Variants in CSGALNACT1 observed in about 807,000 individuals in gnomAD.
The protein encoded by CSGALNACT1 is beta4GalNAcT-1.
Under a neutral mutation model 51.0 loss-of-function variants are expected in CSGALNACT1, and 52 were observed. The ratio of observed to expected loss-of-function variants is 1.02; its 90% CI spans 0.82 to 1.29. The LOEUF is 1.29. CSGALNACT1 is among the 50% of genes most tolerant of loss of function. The pLI is 0.00. For missense variants in CSGALNACT1, 935 were observed against 679.2 expected (o/e 1.38, Z -4.19); for synonymous variants, 341 against 254.4 (o/e 1.34, Z -3.24).
At chr8:19,612,836 C>G (rs534322255) in intron 1 of CSGALNACT1, among the ~76,000 whole-genome samples, 4 of 150,620 alleles carry the variant, frequency 2.7e-5, no homozygotes, top group Non-Finnish European at 5.9e-5. Flanking sequence ...TTTTGTGACC[C>G]TTTGGGGAGA....
chr8:19,495,134 A>G (rs1011347740), intron 4 of CSGALNACT1: 2 of 152,212 alleles, frequency 1.3e-5, no homozygotes, highest in African/African-American at 4.8e-5. Flanking sequence ...AATGCGTCCT[A>G]GACCCTATCT....
At chr8:19,714,295 C>G (rs28489490) in intron 1 of CSGALNACT1, among the ~76,000 whole-genome samples, 55,100 of 151,718 alleles carry the variant, frequency 0.36, 10,779 homozygotes, top group East Asian at 0.65. Flanking sequence ...TTGTCTTTCT[C>G]TTTTGTTTAC....
At chr8:19,598,731 C>T (rs543874746) in intron 2 of CSGALNACT1, among the ~76,000 whole-genome samples, 4 of 152,296 alleles carry the variant, frequency 2.6e-5, no homozygotes, top group South Asian at 4.1e-4. Flanking sequence ...GAAAGTTCTG[C>T]GCCCTGCTCA....
In CSGALNACT1 at chr8:19,609,190, T is replaced by C. The variant is rs78875944; in HGVS notation, c.-543-7325A>G. On this transcript the variant is annotated intron_variant, in intron 1 of 9. Transcript: ENST00000332246. ...TGATGGAAGGATGCTTTTTTTTTTA[T>C]ATTGAGATTGAGGGAGGCAAGAAAA... Among the ~76,000 whole-genome samples the C allele has an allele frequency of 2.1e-4, 32 of 151,518 alleles. No homozygotes were observed. The East Asian group carries it at 6.0e-3, about 28-fold the overall frequency.
At chr8:19,592,281 C>T (rs2047982873) in intron 2 of CSGALNACT1, among the ~76,000 whole-genome samples, 2 of 152,172 alleles carry the variant, frequency 1.3e-5, no homozygotes, top group Non-Finnish European at 2.9e-5. Flanking sequence ...TTTACTGATG[C>T]TGATACTTGC....
At chr8:19,475,431 C>T (rs557456565) in intron 4 of CSGALNACT1, among the ~76,000 whole-genome samples, 1 of 152,106 alleles carries the variant, frequency 6.6e-6, no homozygotes, top group Non-Finnish European at 1.5e-5. Context: ...AAATCTGTAA[C>T]AATCTGAATA....
intron 3 of CSGALNACT1, among the ~76,000 whole-genome samples, chr8:19,542,269 G>A (rs892363171): frequency 2.7e-5 from 4 of 150,356 alleles, no homozygotes; most frequent in African/African-American, 9.8e-5. Context: ...TGTTAGTTAA[G>A]CTCAAAGGAA....
intron 1 of CSGALNACT1, among the ~76,000 whole-genome samples, chr8:19,618,045 AT>A (rs564292814): frequency 0.011 from 1,678 of 146,442 alleles, 26 homozygotes; most frequent in African/African-American, 0.037. Context: ...CTTCCGGCTG[AT>A]TTTTTTTTTT....
intron 1 of CSGALNACT1, among the ~76,000 whole-genome samples, chr8:19,721,540 G>C (rs1037349706): frequency 6.6e-6 from 1 of 152,140 alleles, no homozygotes; most frequent in African/African-American, 2.4e-5. Flanking sequence ...ACAAGCACAT[G>C]AGCCATAGCT....
intron 1 of CSGALNACT1, among the ~76,000 whole-genome samples, chr8:19,674,755 G>A (rs529105792): frequency 7.9e-5 from 12 of 152,306 alleles, no homozygotes; most frequent in Admixed American, 3.3e-4. Context: ...GGGCAGTTAG[G>A]AGGCAGTGAT....
At chr8:19,462,452 C>T (rs149681342) in intron 4 of CSGALNACT1, among the ~76,000 whole-genome samples, 287 of 152,198 alleles carry the variant, frequency 1.9e-3, no homozygotes, top group African/African-American at 6.4e-3. Context: ...TATACCTAAA[C>T]CTGTCTCAAG....
intron 1 of CSGALNACT1, among the ~76,000 whole-genome samples, chr8:19,652,747 C>T (rs2154185109): frequency 6.6e-6 from 1 of 152,278 alleles, no homozygotes; most frequent in East Asian, 1.9e-4. Context: ...ATTTTGACCC[C>T]ACCACTCTTC....
chr8:19,407,814 G>A lies in CSGALNACT1; in HGVS notation c.1309+799C>T, dbSNP rs367854943. Among the ~76,000 whole-genome samples, 1,010 of 147,206 alleles carry A rather than the reference G, an allele frequency of 6.9e-3. 10 individuals carry two copies. The highest frequency in any genetic ancestry group is 0.025 in the African/African-American group (934 of 37,852). ...ACATTTGTGTATATGAATTGTGTGC[G>A]CATGTGGACATTTGTGTATATGAAT... On this transcript the variant is annotated intron_variant, in intron 9 of 9. Transcript: ENST00000454498.
Position 19,539,494 on chromosome 8 carries a change from C to T in CSGALNACT1, c.-296-33364G>A, listed in dbSNP as rs190443820. On this transcript the variant is annotated intron_variant, in intron 3 of 9. Transcript: ENST00000454498. Reference sequence around the variant, plus strand: ...GCATATAGAAAGCACTGAATAAGTACGTTTTTGACTGGAAGGGAATTTAAA... The same window carrying T: ...GCATATAGAAAGCACTGAATAAGTATGTTTTTGACTGGAAGGGAATTTAAA... Among the ~76,000 whole-genome samples the T allele has an allele frequency of 4.2e-3, 633 of 152,210 alleles. 2 individuals are homozygous for T. The highest frequency in any genetic ancestry group is 7.3e-3 in the Non-Finnish European group (497 of 68,018).
At chr8:19,607,872 G>C (rs149448983) in intron 1 of CSGALNACT1, among the ~76,000 whole-genome samples, 89 of 152,320 alleles carry the variant, frequency 5.8e-4, no homozygotes, top group African/African-American at 2.0e-3. Flanking sequence ...AAGAATCCCT[G>C]TGTGTAGGAA....
At chr8:19,749,141 A>T (rs1166310798) in intron 1 of CSGALNACT1, among the ~76,000 whole-genome samples, 3 of 151,420 alleles carry the variant, frequency 2.0e-5, no homozygotes, top group Non-Finnish European at 4.4e-5. Context: ...TGATACTAAT[A>T]TTCCCAAGAA....
rs369452404 is a variant in CSGALNACT1, at chr8:19,526,793, C to T, written c.-296-20663G>A. Among the ~76,000 whole-genome samples, 6 of 152,286 alleles carry T rather than the reference C, an allele frequency of 3.9e-5. No individual in the cohort carries two copies. The East Asian group carries it at 1.2e-3, about 29-fold the overall frequency. On this transcript the variant is annotated intron_variant, in intron 3 of 9. Transcript: ENST00000454498. ...ACGACTACTTCTCCAACAGGTATTT[C>T]ATGAGTATAGCAAAATACAACAGAA...
At chr8:19,505,739 C>A in exon 4 of CSGALNACT1, 1 of 1,614,162 alleles carries the variant, frequency 6.2e-7, no homozygotes, top group Non-Finnish European at 8.5e-7. Flanking sequence ...GGGTGCAGGC[C>A]AACATGTACA....
intron 3 of CSGALNACT1, among the ~76,000 whole-genome samples, chr8:19,587,000 T>C (rs1160940953): frequency 6.6e-6 from 1 of 152,198 alleles, no homozygotes; most frequent in African/African-American, 2.4e-5. Flanking sequence ...CCTTCAATAA[T>C]GATTTCAAGA....
Sources: allele counts gnomAD v4.1 joint callset (sites outside exome capture counted in the v4.1 genomes callset), GRCh38; gene constraint gnomAD v4.1.1; transcripts MANE v1.5; gene names NCBI Gene and HGNC (gene_info 2026-07-23, HGNC 2026-07-21).